CSMD3: variants seen among roughly 807,000 people sequenced by gnomAD.
The protein encoded by CSMD3 is CUB and Sushi multiple domains 3, also known as CUB and sushi domain-containing protein 3.
Under a neutral mutation model 435.2 loss-of-function variants are expected in CSMD3, and 177 were observed. The ratio of observed to expected loss-of-function variants is 0.41; its 90% CI spans 0.36 to 0.46. The LOEUF (loss-of-function observed/expected upper bound fraction) is 0.46. CSMD3 is among the 20% of genes least tolerant of loss of function. The probability of loss-of-function intolerance (pLI) is 0.34; values close to 1 mark genes in which losing one functional copy is unlikely to be tolerated. For synonymous variants in CSMD3, 1,656 were observed against 1,520.5 expected (o/e 1.09, Z -2.07); for missense variants, 4,265 against 4,504.6 (o/e 0.95, Z 1.52).
intron 32 of CSMD3, among the ~76,000 whole-genome samples, chr8:112,439,545 A>C (rs1325609437): frequency 1.3e-5 from 2 of 152,194 alleles, no homozygotes; most frequent in Non-Finnish European, 2.9e-5. Context: ...GTATACAAAA[A>C]TACAATTAAT....
intron 1 of CSMD3, among the ~76,000 whole-genome samples, chr8:113,339,320 A>C (rs528290107): frequency 6.6e-6 from 1 of 151,968 alleles, no homozygotes; most frequent in Non-Finnish European, 1.5e-5. Flanking sequence ...AAATAAGTAC[A>C]TCAAAAATCC....
intron 35 of CSMD3, among the ~76,000 whole-genome samples, chr8:112,397,522 A>C (rs559197556): frequency 1.3e-5 from 2 of 152,298 alleles, no homozygotes; most frequent in East Asian, 3.9e-4. Context: ...GCTTATAAAC[A>C]ACAGAAATTT....
chr8:113,315,810 C>T (rs1315748138), intron 1 of CSMD3, among the ~76,000 whole-genome samples: 1 of 151,526 alleles, frequency 6.6e-6, no homozygotes, highest in East Asian at 1.9e-4. Flanking sequence ...CCTCTGCCTC[C>T]TGGGTTCAAG....
chr8:113,407,640 A>G (rs374507520), intron 1 of CSMD3, among the ~76,000 whole-genome samples: 4 of 152,076 alleles, frequency 2.6e-5, no homozygotes, highest in East Asian at 3.9e-4. Context: ...CCAATTTGAC[A>G]GTGTGAACAT....
At chr8:112,260,348 G>T (rs1018422084) in intron 61 of CSMD3, among the ~76,000 whole-genome samples, 1 of 152,016 alleles carries the variant, frequency 6.6e-6, no homozygotes, top group African/African-American at 2.4e-5. Flanking sequence ...CTGTGCCCTT[G>T]CAATTTGATT....
At chr8:112,615,890 C>T (rs942608805) in intron 22 of CSMD3, among the ~76,000 whole-genome samples, 12 of 152,064 alleles carry the variant, frequency 7.9e-5, no homozygotes, top group African/African-American at 2.7e-4. Context: ...CACCGAAAGG[C>T]TCCAACAACT....
chr8:112,296,505 G>A (rs1271403969), intron 53 of CSMD3, among the ~76,000 whole-genome samples: 3 of 151,424 alleles, frequency 2.0e-5, no homozygotes, highest in South Asian at 2.1e-4. Context: ...AGCGCAGATC[G>A]CGCCACCGCA....
At chr8:112,478,080 C>T (rs1025569272) in intron 31 of CSMD3, among the ~76,000 whole-genome samples, 1 of 152,140 alleles carries the variant, frequency 6.6e-6, no homozygotes, top group Non-Finnish European at 1.5e-5. Context: ...CAGCCGTCCA[C>T]GTAAAATGTG....
chr8:112,283,217 G>T (rs1451420236), intron 58 of CSMD3, among the ~76,000 whole-genome samples: 3 of 151,856 alleles, frequency 2.0e-5, no homozygotes, highest in African/African-American at 7.3e-5. Context: ...TCATATTCAG[G>T]GTAGGAAATA....
chr8:112,700,567 G>A (rs907108647), intron 13 of CSMD3, among the ~76,000 whole-genome samples: 4 of 151,940 alleles, frequency 2.6e-5, no homozygotes, highest in African/African-American at 9.7e-5. Context: ...TTTATTATTG[G>A]CCAGTATTGT....
chr8:112,410,922 T>A (rs1811261375), intron 32 of CSMD3, among the ~76,000 whole-genome samples: 1 of 150,740 alleles, frequency 6.6e-6, no homozygotes, highest in East Asian at 2.0e-4. Context: ...AAAAAGGCTC[T>A]TGGCATGTAA....
At chr8:112,492,346 T>A (rs1820780498) in intron 31 of CSMD3, 143 bp downstream of exon 31, 2 of 707,322 alleles carry the variant, frequency 2.8e-6, no homozygotes, top group South Asian at 1.7e-5. Context: ...AACTTTAAAA[T>A]GTTTGATAAA....
chr8:112,599,487 A>G (rs1383377664), intron 22 of CSMD3, among the ~76,000 whole-genome samples: 2 of 151,638 alleles, frequency 1.3e-5, no homozygotes, highest in Admixed American at 1.3e-4. Context: ...TAGAACTAGA[A>G]ATACCATTTG....
At chr8:112,937,320 A>G (rs1376775634) in intron 9 of CSMD3, among the ~76,000 whole-genome samples, 2 of 147,152 alleles carry the variant, frequency 1.4e-5, no homozygotes, top group East Asian at 4.0e-4. Context: ...TTATGCTTTT[A>G]TTACTCTTTG....
At chr8:113,422,267 G>T (rs1031528510) in intron 1 of CSMD3, among the ~76,000 whole-genome samples, 1 of 152,058 alleles carries the variant, frequency 6.6e-6, no homozygotes, top group Non-Finnish European at 1.5e-5. Context: ...TCATTTCAGA[G>T]CACCTTCAAA....
chr8:113,012,158 G>A (rs186217143), intron 6 of CSMD3, among the ~76,000 whole-genome samples: 3,394 of 151,806 alleles, frequency 0.022, 59 homozygotes, highest in South Asian at 0.031. Flanking sequence ...GTAAATAAAA[G>A]TAGCTCTCTT....
intron 13 of CSMD3, among the ~76,000 whole-genome samples, chr8:112,746,957 G>T (rs1035939523): frequency 2.0e-5 from 3 of 152,070 alleles, no homozygotes; most frequent in Admixed American, 6.5e-5. Flanking sequence ...TTCTACCCAA[G>T]AACTTTTTAC....
At chr8:113,267,887 T>A (rs1247384167) in intron 3 of CSMD3, among the ~76,000 whole-genome samples, 1 of 151,734 alleles carries the variant, frequency 6.6e-6, no homozygotes, top group Non-Finnish European at 1.5e-5. Context: ...TTCCTGATAA[T>A]TATATTGTCT....
At chr8:112,738,620 AT>A (rs1235316951) in intron 13 of CSMD3, among the ~76,000 whole-genome samples, 8 of 151,838 alleles carry the variant, frequency 5.3e-5, no homozygotes, top group African/African-American at 1.9e-4. Context: ...ATGGTTCTCA[AT>A]ATAATCATGC....
Sources: allele counts gnomAD v4.1 joint callset (sites outside exome capture counted in the v4.1 genomes callset), GRCh38; gene constraint gnomAD v4.1.1; transcripts MANE v1.5; gene names NCBI Gene and HGNC (gene_info 2026-07-23, HGNC 2026-07-21).